Variants in MMADHC observed in about 807,000 individuals in gnomAD.
MMADHC encodes the protein cobalamin trafficking protein CblD.
A neutral mutation model predicts 36.3 loss-of-function variants in MMADHC; 23 were observed. The observed-to-expected ratio is 0.63, with a 90% confidence interval of 0.46 to 0.90. The LOEUF (loss-of-function observed/expected upper bound fraction) is 0.90, where lower values mean the gene tolerates loss of function less well. Ranked by LOEUF, MMADHC falls within the 40% of genes least tolerant of loss-of-function variation. MMADHC has a pLI of 0.00. For missense variants in MMADHC, 330 were observed against 348.0 expected (o/e 0.95, Z 0.41); for synonymous variants, 97 against 116.1 (o/e 0.84, Z 1.06).
chr2:149,578,714 T>C (rs1682751149), intron 4 of MMADHC, among the ~76,000 whole-genome samples: 1 of 152,028 alleles, frequency 6.6e-6, no homozygotes, highest in African/African-American at 2.4e-5. Context: ...GTCAACTGTG[T>C]CTCAGTGTCA....
intron 2 of MMADHC, chr2:149,586,758 C>T (rs1682875891): frequency 6.4e-6 from 2 of 313,312 alleles, no homozygotes; most frequent in South Asian, 1.2e-4. Flanking sequence ...ATTAAAAAAA[C>T]CCTTCAGTTT....
chr2:149,587,414 G>C, intron 1 of MMADHC: 1 of 475,422 alleles, frequency 2.1e-6, no homozygotes, highest in Non-Finnish European at 3.8e-6. Context: ...AATGGGGGCT[G>C]GGTGGCCAAA....
intron 2 of MMADHC, chr2:149,586,739 G>GA (rs1165912324): frequency 5.1e-5 from 14 of 273,758 alleles, no homozygotes; most frequent in Non-Finnish European, 8.3e-5. Context: ...TTAAAAAAAA[G>GA]AAAAAAAGAT....
chr2:149,587,168 A>C lies in MMADHC; in HGVS notation c.-52-19T>G. 3 of 1,441,616 alleles carry C rather than the reference A, an allele frequency of 2.1e-6. No homozygotes were observed. Among genetic ancestry groups the C allele is most frequent in the Non-Finnish European group, 2.9e-6 (3 of 1,023,072 alleles). 89.3% of individuals were successfully genotyped at this position (1,441,616 alleles called of 1,614,324 possible). On this transcript the variant is annotated intron_variant, in intron 1 of 7. Coordinates refer to ENST00000303319, the MANE Select transcript of MMADHC (RefSeq NM_015702.3). ...GTTATTTCTGGGAAAGAACACAACA[A>C]AACAGACGAGTGATCGATTAAACTC...
At chr2:149,579,004 AT>A (rs1682756826) in intron 4 of MMADHC, among the ~76,000 whole-genome samples, 1 of 146,482 alleles carries the variant, frequency 6.8e-6, no homozygotes, top group Non-Finnish European at 1.5e-5. Flanking sequence ...TTTTTTTACT[AT>A]ATCTGAACAA....
rs776203619 is a variant in MMADHC, at chr2:149,570,003, G to C, written c.862C>G (p.His288Asp). 2 of 1,613,480 alleles carry C rather than the reference G, an allele frequency of 1.2e-6. No individual in the cohort carries two copies. Among genetic ancestry groups the C allele is most frequent in the South Asian group, 1.1e-5 (1 of 91,064 alleles). ...SIFTNATPDS[H>D]IMKKLSGN ...TTTCCACTTAATTTCTTCATAATAT[G>C]GCTGTCTGGTGTTGCATTAGTGAAG... is the stretch of plus-strand genomic sequence containing the variant. Residue 288 changes from histidine (H) to aspartate (D), a missense_variant, in exon 8 of 8, where the codon CAT becomes GAT. Physicochemically the swap from His to Asp is moderately conservative, Grantham distance 81. Transcript: ENST00000303319.
chr2:149,579,279 G>C (rs1682760136), intron 4 of MMADHC, 152 bp downstream of exon 4: 1 of 685,938 alleles, frequency 1.5e-6, no homozygotes, highest in African/African-American at 1.8e-5. Context: ...ACAATGCCAA[G>C]TTTTCCAAAG....
At chr2:149,582,069 A>C in intron 3 of MMADHC, 58 bp downstream of exon 3, 1 of 1,590,062 alleles carries the variant, frequency 6.3e-7, no homozygotes, top group Non-Finnish European at 8.6e-7. Context: ...TTAGAGGAAA[A>C]TACAACTAAA....
intron 6 of MMADHC, among the ~76,000 whole-genome samples, chr2:149,571,392 C>T (rs182292425): frequency 4.9e-4 from 75 of 152,276 alleles, no homozygotes; most frequent in Admixed American, 1.7e-3. Flanking sequence ...AGACTAAATT[C>T]TGTACTTTTT....
chr2:149,571,779 CAAAAAAAAAA>C (rs934814023), intron 6 of MMADHC, among the ~76,000 whole-genome samples: 4 of 57,612 alleles, frequency 6.9e-5, no homozygotes, highest in African/African-American at 1.8e-4. Context: ...GACTCCATCT[CAAAAAAAAAA>C]GAAAAAAAAA....
At chr2:149,577,816 G>A (rs975980706) in intron 4 of MMADHC, among the ~76,000 whole-genome samples, 4 of 152,052 alleles carry the variant, frequency 2.6e-5, no homozygotes, top group African/African-American at 9.7e-5. Flanking sequence ...TCAGGTGATC[G>A]AGACCATCCT....
intron 2 of MMADHC, 115 bp downstream of exon 2, chr2:149,586,974 A>G: frequency 4.6e-6 from 5 of 1,079,146 alleles, no homozygotes; most frequent in Non-Finnish European, 7.1e-6. Flanking sequence ...GACATTTTTG[A>G]TACATTATAT....
chr2:149,570,400 A>G (rs1682621798), intron 7 of MMADHC, among the ~76,000 whole-genome samples: 1 of 152,232 alleles, frequency 6.6e-6, no homozygotes, highest in Non-Finnish European at 1.5e-5. Flanking sequence ...AATCAAATGC[A>G]TAATATTGCA....
chr2:149,576,546 A>T lies in MMADHC; in HGVS notation c.373-4T>A. Reference sequence around the variant, plus strand: ...GTTCAACAGGTGCATCATTACCCTAAGGGGAACAAGGATATAAGTCAACAA... The same window carrying T: ...GTTCAACAGGTGCATCATTACCCTATGGGGAACAAGGATATAAGTCAACAA... On this transcript the variant is annotated splice_region_variant and splice_polypyrimidine_tract_variant and intron_variant, in intron 4 of 7. Transcript: ENST00000303319. The T allele has an allele frequency of 6.3e-7, 1 of 1,591,464 alleles. No homozygotes were observed. The highest frequency in any genetic ancestry group is 8.6e-7 in the Non-Finnish European group (1 of 1,159,494).
intron 2 of MMADHC, among the ~76,000 whole-genome samples, chr2:149,585,509 C>T (rs949274829): frequency 1.7e-4 from 26 of 152,258 alleles, no homozygotes; most frequent in African/African-American, 5.8e-4. Flanking sequence ...ATTGAGAAAT[C>T]GCAATATTTA....
intron 1 of MMADHC, 163 bp from the exon 2 acceptor site, chr2:149,587,312 C>A (rs939395533): frequency 1.6e-6 from 1 of 610,404 alleles, no homozygotes; most frequent in Non-Finnish European, 2.9e-6. Context: ...CCATGCCAGG[C>A]ACAGATCCCC....
chr2:149,572,538 T>G (rs1412673495), intron 6 of MMADHC, among the ~76,000 whole-genome samples: 5 of 152,156 alleles, frequency 3.3e-5, no homozygotes, highest in Admixed American at 6.5e-5. Context: ...CTGCTCTAGC[T>G]TTCTGTCTGT....
chr2:149,569,771 T>C lies in MMADHC; in HGVS notation c.*203A>G, dbSNP rs1682610984. ...ATTACCACATCCTATACAATGTGGA[T>C]GTGTTCAACGTGTATTCAATGATAT... On this transcript the variant is annotated 3_prime_UTR_variant, in exon 8 of 8. Transcript: ENST00000303319. 1.8e-6 allele frequency: 1 copy of C among 542,632 alleles called. No individual in the cohort carries two copies. The highest frequency in any genetic ancestry group is 1.9e-5 in the African/African-American group (1 of 52,954). The allele number at this position is 542,632 out of a possible 1,614,324, so 33.6% of individuals were successfully genotyped here.
intron 3 of MMADHC, among the ~76,000 whole-genome samples, chr2:149,581,884 ACT>A (rs749331084): frequency 6.6e-6 from 1 of 152,070 alleles, no homozygotes; most frequent in Non-Finnish European, 1.5e-5. Context: ...TTCAGGGAAG[ACT>A]CTATGTTTGA....
Sources: allele counts gnomAD v4.1 joint callset (sites outside exome capture counted in the v4.1 genomes callset), GRCh38; gene constraint gnomAD v4.1.1; transcripts MANE v1.5; gene names NCBI Gene and HGNC (gene_info 2026-07-23, HGNC 2026-07-21).